Variants in ARHGEF7 observed in about 807,000 individuals in gnomAD.
ARHGEF7 encodes PAK-interacting exchange factor beta.
In ARHGEF7, 33 loss-of-function variants were observed where a neutral mutation model predicts 109.8. That is an observed-to-expected ratio of 0.30 (90% confidence interval 0.23 to 0.40). The LOEUF (loss-of-function observed/expected upper bound fraction) is 0.40, where lower values mean the gene tolerates loss of function less well. Among genes scored for constraint, ARHGEF7 ranks in the 10% least tolerant of loss-of-function variants. The pLI, the probability that ARHGEF7 is intolerant of heterozygous loss-of-function variation, is 1.00. For missense variants in ARHGEF7, 938 were observed against 1,098.5 expected (o/e 0.85, Z 2.07); for synonymous variants, 458 against 424.6 (o/e 1.08, Z -0.97).
At chr13:111,162,383 A>G (rs1408538352) in intron 2 of ARHGEF7, among the ~76,000 whole-genome samples, 1 of 152,248 alleles carries the variant, frequency 6.6e-6, no homozygotes, top group African/African-American at 2.4e-5. Flanking sequence ...ATTGGAAATA[A>G]AAGTTGAAAA....
At chr13:111,279,706 G>A (rs753715705) in intron 13 of ARHGEF7, among the ~76,000 whole-genome samples, 14 of 152,176 alleles carry the variant, frequency 9.2e-5, no homozygotes, top group Non-Finnish European at 1.6e-4. Flanking sequence ...TGCAGTTACC[G>A]ATTTCTTCTG....
intron 16 of ARHGEF7, among the ~76,000 whole-genome samples, chr13:111,284,312 G>A (rs11618153): frequency 4.6e-5 from 7 of 152,150 alleles, no homozygotes; most frequent in African/African-American, 7.2e-5. Context: ...AGCCCTGGGG[G>A]TTTTAAGGCC....
intron 9 of ARHGEF7, among the ~76,000 whole-genome samples, chr13:111,269,765 C>T (rs772760808): frequency 1.2e-4 from 18 of 152,164 alleles, no homozygotes; most frequent in Admixed American, 1.0e-3. Context: ...CCCTGCACCA[C>T]GAGAGTTCCC....
intron 4 of ARHGEF7, 54 bp downstream of exon 4, chr13:111,210,056 T>TCC: frequency 6.2e-7 from 1 of 1,608,174 alleles, no homozygotes; most frequent in South Asian, 1.1e-5. Context: ...TATGAGTGTG[T>TCC]ATGGATATAT....
intron 2 of ARHGEF7, chr13:111,186,821 C>A (rs2153438056): frequency 1.0e-6 from 1 of 985,438 alleles, no homozygotes. Context: ...TGCGCTCAGT[C>A]CCACATTGCA....
At chr13:111,157,583 A>AATG (rs961526428) in intron 2 of ARHGEF7, among the ~76,000 whole-genome samples, 14 of 152,046 alleles carry the variant, frequency 9.2e-5, no homozygotes, top group African/African-American at 2.9e-4. Context: ...AGAAAAAAAA[A>AATG]ATGATGATGA....
At chr13:111,259,616 C>T (rs1045129831) in intron 8 of ARHGEF7, among the ~76,000 whole-genome samples, 1 of 152,108 alleles carries the variant, frequency 6.6e-6, no homozygotes, top group Non-Finnish European at 1.5e-5. Context: ...CACCCAAGTC[C>T]CTTTGAATAC....
At chr13:111,251,323 A>G (rs537593664) in intron 8 of ARHGEF7, among the ~76,000 whole-genome samples, 1 of 152,178 alleles carries the variant, frequency 6.6e-6, no homozygotes, top group Admixed American at 6.5e-5. Flanking sequence ...GAGCCTGTGA[A>G]TGGAGAGGAG....
intron 8 of ARHGEF7, among the ~76,000 whole-genome samples, chr13:111,260,387 C>T (rs2090959372): frequency 6.6e-6 from 1 of 152,208 alleles, no homozygotes; most frequent in Non-Finnish European, 1.5e-5. Flanking sequence ...AAATACCATA[C>T]AAAGATGCTC....
chr13:111,274,886 T>C (rs1012485088), intron 11 of ARHGEF7, 96 bp downstream of exon 11: 2 of 836,920 alleles, frequency 2.4e-6, no homozygotes, highest in Non-Finnish European at 3.4e-6. Context: ...GATTAAAAAA[T>C]GACTTGTGCT....
chr13:111,141,632 ATTT>A (rs34263315), intron 1 of ARHGEF7, among the ~76,000 whole-genome samples: 1 of 146,254 alleles, frequency 6.8e-6, no homozygotes, highest in African/African-American at 2.5e-5. Flanking sequence ...GTTCCTCCAT[ATTT>A]TTTTTTTTTA....
chr13:111,263,777 A>G (rs1358589532), intron 8 of ARHGEF7, among the ~76,000 whole-genome samples: 1 of 151,846 alleles, frequency 6.6e-6, no homozygotes, highest in Non-Finnish European at 1.5e-5. Flanking sequence ...ATGTCAGAAG[A>G]TTCTCAAAAC....
chr13:111,119,736 T>C (rs2067049478), intron 1 of ARHGEF7, among the ~76,000 whole-genome samples: 1 of 152,206 alleles, frequency 6.6e-6, no homozygotes, highest in Non-Finnish European at 1.5e-5. Context: ...AAATACTTTT[T>C]TCTAGGTAAA....
intron 1 of ARHGEF7, among the ~76,000 whole-genome samples, chr13:111,138,007 G>A (rs1333004784): frequency 6.6e-6 from 1 of 152,268 alleles, no homozygotes; most frequent in East Asian, 1.9e-4. Context: ...AAGAGTCTGG[G>A]TTGCCAGTTC....
In ARHGEF7 at chr13:111,131,934, G is replaced by A. The variant is rs568941285; in HGVS notation, c.165+16243G>A. 6.6e-6 allele frequency among the ~76,000 whole-genome samples: 1 copy of A among 152,310 alleles called. No homozygotes were observed. Among genetic ancestry groups the A allele is most frequent in the Admixed American group, 6.5e-5 (1 of 15,312 alleles). On this transcript the variant is annotated intron_variant, in intron 1 of 21. Transcript: ENST00000646102. This position sits in a 1 kb window ranked among gnomAD's most constrained non-coding sequence, Gnocchi z 4.4. ...GTGGAAATGTTGGAATAGAGTTGTG[G>A]AGTATGAGAGAGGGGTGGACTCAGT...
At chr13:111,241,386 C>T in intron 6 of ARHGEF7, 1 of 1,530,358 alleles carries the variant, frequency 6.5e-7, no homozygotes, top group Non-Finnish European at 8.8e-7. Flanking sequence ...CCAGCAACCT[C>T]CTGGCAGAGG....
chr13:111,144,997 A>G (rs1196954967), intron 1 of ARHGEF7, among the ~76,000 whole-genome samples: 3 of 151,408 alleles, frequency 2.0e-5, no homozygotes, highest in African/African-American at 7.3e-5. Context: ...AGACAGCTCC[A>G]TGCATTTCTA....
intron 1 of ARHGEF7, among the ~76,000 whole-genome samples, chr13:111,127,378 G>T (rs1445198089): frequency 6.6e-6 from 1 of 152,080 alleles, no homozygotes; most frequent in African/African-American, 2.4e-5. Context: ...TAAAAATTGG[G>T]CCAGGTGCAG....
At chr13:111,190,328 T>C (rs1201707036) in intron 2 of ARHGEF7, among the ~76,000 whole-genome samples, 1 of 152,190 alleles carries the variant, frequency 6.6e-6, no homozygotes, top group African/African-American at 2.4e-5. Flanking sequence ...ATTGTCTGAC[T>C]TCAGAAGCCT....
Sources: allele counts gnomAD v4.1 joint callset (sites outside exome capture counted in the v4.1 genomes callset), GRCh38; gene constraint gnomAD v4.1.1; non-coding constraint Gnocchi (gnomAD v3.1); transcripts MANE v1.5; gene names NCBI Gene and HGNC (gene_info 2026-07-23, HGNC 2026-07-21).